The following DNAH11 variants were observed in gnomAD, a reference collection of about 807,000 sequenced individuals.
The protein encoded by DNAH11 is dynein axonemal heavy chain 11.
A neutral mutation model predicts 526.0 loss-of-function variants in DNAH11; 442 were observed. That is an observed-to-expected ratio of 0.84 (90% CI 0.78 to 0.91). DNAH11 has a LOEUF of 0.91. DNAH11 is among the 40% of genes least tolerant of loss of function. DNAH11 has a pLI of 0.00. For synonymous variants in DNAH11, 2,461 were observed against 1,935.9 expected, an observed-to-expected ratio of 1.27 and a Z score of -7.12; for missense variants, 6,989 against 5,448.7, an observed-to-expected ratio of 1.28 and a Z score of -8.90.
intron 25 of DNAH11, among the ~76,000 whole-genome samples, chr7:21,622,032 C>T (rs368315854): frequency 9.2e-5 from 14 of 152,090 alleles, no homozygotes; most frequent in East Asian, 1.9e-4. Flanking sequence ...TCAAATTGTC[C>T]CTGTTTGCAG....
intron 67 of DNAH11, among the ~76,000 whole-genome samples, chr7:21,853,325 C>T (rs1782713912): frequency 6.6e-6 from 1 of 152,116 alleles, no homozygotes; most frequent in Non-Finnish European, 1.5e-5. Context: ...TATTAATTAC[C>T]CAGCAGAAGC....
rs1267071371 is a variant in DNAH11, at chr7:21,880,699, C to G, written c.12196-3C>G. 18 of 1,612,698 alleles carry G rather than the reference C, an allele frequency of 1.1e-5. No homozygotes were observed. The highest frequency in any genetic ancestry group is 1.4e-5 in the Non-Finnish European group (16 of 1,179,630). On this transcript the variant is annotated splice_polypyrimidine_tract_variant and splice_region_variant and intron_variant, in intron 74 of 81. Coordinates refer to ENST00000409508, the MANE Select transcript of DNAH11 (RefSeq NM_001277115.2). ...ATCAAGCATTTCTTCTCTTTTTTCC[C>G]AGGATACACTTGAAATATGCTCCAA...
intron 18 of DNAH11, among the ~76,000 whole-genome samples, chr7:21,601,870 C>T (rs535833742): frequency 6.6e-6 from 1 of 151,908 alleles, no homozygotes; most frequent in African/African-American, 2.4e-5. Context: ...TGCTCCACTG[C>T]CTTCTTATTA....
chr7:21,695,887 A>G lies in DNAH11; in HGVS notation c.6042-2188A>G, dbSNP rs188676324. 3.3e-5 allele frequency among the ~76,000 whole-genome samples: 5 copies of G among 152,112 alleles called. No homozygotes were observed. In the East Asian group the frequency reaches 9.6e-4, roughly 29 times the overall value. On this transcript the variant is annotated intron_variant, in intron 35 of 81. Transcript: ENST00000409508. ...CAGAATCTACAAGGAACTTAAATTT[A>G]GAAGGAAAAAAAAACCCATCAAAAA... is the stretch of plus-strand genomic sequence containing the variant.
intron 2 of DNAH11, among the ~76,000 whole-genome samples, chr7:21,551,989 G>T (rs1444876723): frequency 1.3e-5 from 2 of 152,160 alleles, no homozygotes; most frequent in Non-Finnish European, 2.9e-5. Context: ...CCCCACCAAA[G>T]GTTAGCTTTC....
At chr7:21,891,662 A>G (rs1239364082) in intron 76 of DNAH11, among the ~76,000 whole-genome samples, 1 of 152,116 alleles carries the variant, frequency 6.6e-6, no homozygotes, top group Non-Finnish European at 1.5e-5. Flanking sequence ...CTCTTGCCCC[A>G]GCCTTATTGA....
chr7:21,842,845 C>G (rs1464425471), intron 66 of DNAH11, 97 bp downstream of exon 66: 9 of 1,077,286 alleles, frequency 8.4e-6, no homozygotes, highest in African/African-American at 6.4e-5. Flanking sequence ...TTCCTGCCCT[C>G]TAGAATCCTG....
chr7:21,632,765 C>G (rs1786675603), intron 25 of DNAH11, among the ~76,000 whole-genome samples: 1 of 152,160 alleles, frequency 6.6e-6, no homozygotes, highest in South Asian at 2.1e-4. Context: ...CCACATTTTC[C>G]TGTCTTCTTC....
chr7:21,634,842 T>C (rs905776254), intron 25 of DNAH11, among the ~76,000 whole-genome samples: 1 of 151,924 alleles, frequency 6.6e-6, no homozygotes, highest in African/African-American at 2.4e-5. Flanking sequence ...AAAAAAGACA[T>C]ATGAGGACAG....
Position 21,749,661 on chromosome 7 carries a change from A to T in DNAH11, c.8674-17A>T. ...TCAGCATTTTAACAAAACATGAGTG[A>T]TGGCCTTTCCTTACAGGTAGATCTT... On this transcript the variant is annotated splice_polypyrimidine_tract_variant and intron_variant, in intron 52 of 81. Transcript: ENST00000409508. The T allele has an allele frequency of 6.2e-7, 1 of 1,613,602 alleles. No homozygotes were observed. The highest frequency in any genetic ancestry group is 1.1e-5 in the South Asian group (1 of 90,988).
chr7:21,571,781 G>C lies in DNAH11; in HGVS notation c.1426-25G>C, dbSNP rs66476925. Reference sequence around the variant, plus strand: ...ATTTTGCTGCTCAATGTAGTGGAAAGGTCTTTACTGTGTTTTTTACAAAGG... The same window carrying C: ...ATTTTGCTGCTCAATGTAGTGGAAACGTCTTTACTGTGTTTTTTACAAAGG... On this transcript the variant is annotated intron_variant, in intron 7 of 81. Transcript: ENST00000409508. 0.2 allele frequency: 309,101 copies of C among 1,579,434 alleles called. 32,242 individuals are homozygous for C. The highest frequency in any genetic ancestry group is 0.27 in the East Asian group (11,908 of 44,156).
chr7:21,650,771 C>T (rs1203488252), intron 28 of DNAH11, among the ~76,000 whole-genome samples: 3 of 151,718 alleles, frequency 2.0e-5, no homozygotes, highest in African/African-American at 7.3e-5. Flanking sequence ...TCCAGAGTAG[C>T]GGGGATTACA....
intron 46 of DNAH11, among the ~76,000 whole-genome samples, chr7:21,736,371 C>G (rs1785611040): frequency 6.6e-6 from 1 of 151,940 alleles, no homozygotes; most frequent in African/African-American, 2.4e-5. Flanking sequence ...GTAGGGTGAG[C>G]AAAAGAGACA....
intron 54 of DNAH11, among the ~76,000 whole-genome samples, chr7:21,761,028 T>C (rs915484293): frequency 6.6e-6 from 1 of 152,252 alleles, no homozygotes; most frequent in African/African-American, 2.4e-5. Flanking sequence ...TTATTTGGAA[T>C]GATTTTTCCC....
intron 55 of DNAH11, among the ~76,000 whole-genome samples, chr7:21,772,425 G>T (rs35389879): frequency 0.3 from 45,170 of 150,146 alleles, 8,467 homozygotes; most frequent in Non-Finnish European, 0.42. Flanking sequence ...ATTGTAGAAA[G>T]GTATGTGTGT....
chr7:21,662,184 G>A (rs1361339998), intron 30 of DNAH11, among the ~76,000 whole-genome samples: 2 of 152,122 alleles, frequency 1.3e-5, no homozygotes, highest in Non-Finnish European at 2.9e-5. Flanking sequence ...TGCTGCTGTT[G>A]TTAATGCTAT....
chr7:21,709,721 C>T (rs1784391322), intron 40 of DNAH11, among the ~76,000 whole-genome samples: 1 of 152,046 alleles, frequency 6.6e-6, no homozygotes, highest in Non-Finnish European at 1.5e-5. Flanking sequence ...AGAACTATGG[C>T]AGGGAGAGAA....
intron 65 of DNAH11, among the ~76,000 whole-genome samples, chr7:21,823,712 A>G (rs1368300144): frequency 6.6e-6 from 1 of 152,202 alleles, no homozygotes; most frequent in Admixed American, 6.5e-5. Flanking sequence ...AGCAATACAA[A>G]CATAAAACTT....
intron 30 of DNAH11, among the ~76,000 whole-genome samples, chr7:21,677,818 A>T (rs1442292183): frequency 1.3e-5 from 2 of 152,180 alleles, no homozygotes; most frequent in Non-Finnish European, 2.9e-5. Flanking sequence ...TGATTTCTCT[A>T]ATGATTAGTG....
Sources: gnomAD v4.1 joint callset for allele counts (sites outside exome capture counted in the v4.1 genomes callset) on GRCh38, gnomAD v4.1.1 for gene constraint, MANE v1.5 for transcripts, NCBI Gene and HGNC (gene_info 2026-07-23, HGNC 2026-07-21) for gene names.